FRMPD1: variants seen among roughly 807,000 people sequenced by gnomAD.
FRMPD1 encodes the protein FERM and PDZ domain containing 1.
Under a neutral mutation model 117.8 loss-of-function variants are expected in FRMPD1, and 76 were observed. That is an observed-to-expected ratio of 0.65 (90% CI 0.54 to 0.78). The LOEUF (loss-of-function observed/expected upper bound fraction) is 0.78. FRMPD1 is among the 30% of genes least tolerant of loss of function. The probability of loss-of-function intolerance (pLI) is 0.00; values close to 1 mark genes in which losing one functional copy is unlikely to be tolerated. For synonymous variants in FRMPD1, 783 were observed against 770.4 expected (o/e 1.02, Z -0.27); for missense variants, 1,786 against 1,964.5 (o/e 0.91, Z 1.72).
intron 1 of FRMPD1, among the ~76,000 whole-genome samples, chr9:37,658,204 G>A (rs1820896708): frequency 6.6e-6 from 1 of 152,116 alleles, no homozygotes; most frequent in African/African-American, 2.4e-5. Flanking sequence ...CCAGACAGGA[G>A]CAAGCCCACT....
chr9:37,704,448 G>A (rs190191322), intron 2 of FRMPD1, among the ~76,000 whole-genome samples: 34 of 151,780 alleles, frequency 2.2e-4, no homozygotes, highest in African/African-American at 6.3e-4. Context: ...TTAAATTTAC[G>A]TATGCGGTGT....
At chr9:37,709,127 A>T (rs986827433) in intron 4 of FRMPD1, among the ~76,000 whole-genome samples, 1 of 152,170 alleles carries the variant, frequency 6.6e-6, no homozygotes, top group Non-Finnish European at 1.5e-5. Context: ...TTTAAGACGG[A>T]GGAGTGCCAT....
chr9:37,703,647 C>G (rs1000204624), intron 2 of FRMPD1, among the ~76,000 whole-genome samples: 15 of 152,096 alleles, frequency 9.9e-5, no homozygotes, highest in African/African-American at 3.6e-4. Flanking sequence ...GGTTTTCATC[C>G]CCCACAAAGG....
At position 37,650,990 on chromosome 9, in the gene FRMPD1, C is replaced by G. The variant is rs1430171347; in HGVS notation, c.-109C>G. On this transcript the variant is annotated 5_prime_UTR_variant, in exon 1 of 16. Coordinates refer to ENST00000377765, the MANE Select transcript of FRMPD1 (RefSeq NM_014907.3). ...GAGCCGAGCCCGAGCAGCGCTGCTT[C>G]CCGAGCCTTGGCCGCGACCGTGCCC... 1 of 151,904 alleles carries G rather than the reference C, an allele frequency of 6.6e-6. No homozygotes were observed. The highest frequency in any genetic ancestry group is 2.4e-5 in the African/African-American group (1 of 41,412). The allele number at this position is 151,904 out of a possible 1,614,324, so 9.4% of individuals were successfully genotyped here. A position where few individuals can be genotyped will look rare whatever the true frequency, so the allele number is the denominator to read the frequency against.
chr9:37,742,663 C>A (rs1306220872), intron 15 of FRMPD1, among the ~76,000 whole-genome samples: 1 of 152,154 alleles, frequency 6.6e-6, no homozygotes, highest in Admixed American at 6.5e-5. Flanking sequence ...CTTTGGGAGG[C>A]AGAAGCAGGC....
chr9:37,740,815 G>A lies in FRMPD1; in HGVS notation c.2287G>A (p.Glu763Lys). 1.2e-6 allele frequency: 2 copies of A among 1,614,206 alleles called. No individual in the cohort carries two copies. Among genetic ancestry groups the A allele is most frequent in the Non-Finnish European group, 1.7e-6 (2 of 1,180,028 alleles). The change falls in exon 15 of 16, where the codon GAG becomes AAG. Residue 763 changes from glutamate (E) to lysine (K), a missense_variant. Glu to Lys is a moderately conservative substitution (Grantham distance 56). Coordinates refer to ENST00000377765, the MANE Select transcript of FRMPD1 (RefSeq NM_014907.3). The surrounding 1 kb of genome is among the most constrained non-coding windows in gnomAD (Gnocchi z 4.2). ...PLALHPPLAFEDGSSDEEYYD... is the reference protein window; with the variant it reads ...PLALHPPLAFKDGSSDEEYYD... ...GGCCCTGCACCCACCACTGGCCTTT[G>A]AGGATGGCAGCTCAGATGAGGAATA... is the stretch of plus-strand genomic sequence containing the variant.
chr9:37,660,550 C>G (rs1009608184), intron 1 of FRMPD1, among the ~76,000 whole-genome samples: 1 of 152,110 alleles, frequency 6.6e-6, no homozygotes, highest in Non-Finnish European at 1.5e-5. Context: ...TCTCATTTCT[C>G]TTAAAGAACA....
chr9:37,717,862 G>C (rs1367313766), intron 5 of FRMPD1, among the ~76,000 whole-genome samples: 1 of 152,092 alleles, frequency 6.6e-6, no homozygotes, highest in Non-Finnish European at 1.5e-5. Flanking sequence ...AGATTCAAGA[G>C]GTATGGGAGT....
intron 13 of FRMPD1, among the ~76,000 whole-genome samples, chr9:37,736,768 C>T (rs1388886358): frequency 1.3e-5 from 2 of 151,790 alleles, no homozygotes; most frequent in South Asian, 2.1e-4. Flanking sequence ...TTGGATATGG[C>T]GCTGGGGTAG....
chr9:37,716,863 G>GC (rs779135009), intron 5 of FRMPD1, among the ~76,000 whole-genome samples: 1 of 151,950 alleles, frequency 6.6e-6, no homozygotes, highest in African/African-American at 2.4e-5. Context: ...CCTTGACCTT[G>GC]CCCCCCAAAT....
At chr9:37,736,248 G>C (rs548560385) in intron 13 of FRMPD1, among the ~76,000 whole-genome samples, 10 of 151,782 alleles carry the variant, frequency 6.6e-5, no homozygotes, top group African/African-American at 2.4e-4. Flanking sequence ...TGATCCACCC[G>C]CCTTGGCCTC....
upstream of FRMPD1, among the ~76,000 whole-genome samples, chr9:37,649,644 C>T (rs1820606200): frequency 6.6e-6 from 1 of 152,204 alleles, no homozygotes; most frequent in Non-Finnish European, 1.5e-5. Flanking sequence ...TGCTAGTCTT[C>T]CCCCACCGCC....
chr9:37,651,615 G>T (rs1437405057), intron 1 of FRMPD1, among the ~76,000 whole-genome samples: 1 of 152,238 alleles, frequency 6.6e-6, no homozygotes, highest in African/African-American at 2.4e-5. Context: ...TCAGTCTCCA[G>T]GGTCGCGTCG....
chr9:37,672,013 G>A (rs563520948), intron 1 of FRMPD1, among the ~76,000 whole-genome samples: 59 of 152,212 alleles, frequency 3.9e-4, no homozygotes, highest in Non-Finnish European at 6.6e-4. Flanking sequence ...AAACAATTGG[G>A]GTAGGTTAGT....
Position 37,740,490 on chromosome 9 carries a change from C to T in FRMPD1, c.1962C>T (p.Gly654=). 6.2e-7 allele frequency: 1 copy of T among 1,614,170 alleles called. No individual in the cohort carries two copies. ...AGAGAAGCGGGATTGAAACCAGTGG[C>T]TTCCTCTGTCTCCTGGACCTGGCCC... ...QEERSGIETS[G]FLCLLDLAQR... Residue 654 remains glycine (G), a synonymous_variant, in exon 15 of 16, where the codon GGC becomes GGT. Coordinates refer to ENST00000377765, the MANE Select transcript of FRMPD1 (RefSeq NM_014907.3). The surrounding 1 kb of genome is among the most constrained non-coding windows in gnomAD (Gnocchi z 4.2).
At chr9:37,724,825 G>T (rs1423581203) in intron 7 of FRMPD1, among the ~76,000 whole-genome samples, 1 of 152,178 alleles carries the variant, frequency 6.6e-6, no homozygotes, top group East Asian at 1.9e-4. Flanking sequence ...TCAGGAGCTT[G>T]CAGTCTAGTT....
At position 37,746,727 on chromosome 9, in the gene FRMPD1, G is replaced by A. The variant is rs759785328; in HGVS notation, c.4695G>A (p.Val1565=). The A allele has an allele frequency of 2.0e-5, 33 of 1,613,970 alleles. No homozygotes were observed. The African/African-American group carries it at 3.9e-4, about 19-fold the overall frequency. ...ARQCTALTAA[V]FCLTQKFRAS... ...AGTGCACGGCCCTCACGGCCGCCGT[G>A]TTCTGTTTGACCCAGAAGTTCCGGG... Residue 1565 remains valine (V), a synonymous_variant, in exon 16 of 16, where the codon GTG becomes GTA. Coordinates refer to ENST00000377765, the MANE Select transcript of FRMPD1 (RefSeq NM_014907.3).
At chr9:37,688,802 C>T (rs1822035891) in intron 1 of FRMPD1, among the ~76,000 whole-genome samples, 1 of 151,990 alleles carries the variant, frequency 6.6e-6, no homozygotes, top group South Asian at 2.1e-4. Context: ...TAAGAAACAT[C>T]TATACATGTG....
chr9:37,613,012 A>G, the FRMPD1 span, among the ~76,000 whole-genome samples: 2 of 152,002 alleles, frequency 1.3e-5, no homozygotes, highest in Admixed American at 6.5e-5. Context: ...CAGTTCAACT[A>G]CCACCAACTG....
Sources: gnomAD v4.1 joint callset for allele counts (sites outside exome capture counted in the v4.1 genomes callset) on GRCh38, gnomAD v4.1.1 for gene constraint, Gnocchi (gnomAD v3.1) non-coding constraint, MANE v1.5 for transcripts, NCBI Gene and HGNC (gene_info 2026-07-23, HGNC 2026-07-21) for gene names.